The following CSMD3 variants were observed in gnomAD, a reference collection of about 807,000 sequenced individuals.
CSMD3 encodes CUB and sushi domain-containing protein 3.
Under a neutral mutation model 435.2 loss-of-function variants are expected in CSMD3, and 177 were observed. The observed-to-expected ratio is 0.41, with a 90% CI of 0.36 to 0.46. The LOEUF is 0.46. Ranked by LOEUF, CSMD3 falls within the 20% of genes least tolerant of loss-of-function variation. CSMD3 has a pLI of 0.34. For synonymous variants in CSMD3, 1,656 were observed against 1,520.5 expected (o/e 1.09, Z -2.07); for missense variants, 4,265 against 4,504.6 (o/e 0.95, Z 1.52).
intron 11 of CSMD3, among the ~76,000 whole-genome samples, chr8:112,835,989 G>A (rs1054339038): frequency 6.6e-6 from 1 of 151,848 alleles, no homozygotes; most frequent in Admixed American, 6.6e-5. Flanking sequence ...TCTTCTGAGT[G>A]GGAGTTTTTA....
At chr8:112,375,345 C>T (rs1195056742) in intron 38 of CSMD3, among the ~76,000 whole-genome samples, 1 of 152,094 alleles carries the variant, frequency 6.6e-6, no homozygotes, top group African/African-American at 2.4e-5. Context: ...CATAGGCACT[C>T]AACATTACTT....
intron 16 of CSMD3, among the ~76,000 whole-genome samples, chr8:112,680,142 G>A (rs1434275547): frequency 6.6e-6 from 1 of 152,184 alleles, no homozygotes; most frequent in Non-Finnish European, 1.5e-5. Context: ...ATGACCTGAG[G>A]TCAGGAGTTC....
At chr8:113,430,619 G>A (rs1198130553) in intron 1 of CSMD3, among the ~76,000 whole-genome samples, 2 of 152,052 alleles carry the variant, frequency 1.3e-5, no homozygotes, top group African/African-American at 4.8e-5. Context: ...GGAAACTGAG[G>A]TATTTTTATT....
At chr8:113,126,740 T>A (rs2131661805) in intron 4 of CSMD3, among the ~76,000 whole-genome samples, 1 of 152,040 alleles carries the variant, frequency 6.6e-6, no homozygotes, top group African/African-American at 2.4e-5. Flanking sequence ...TGTTATTGAC[T>A]GTTCAATTTT....
intron 58 of CSMD3, among the ~76,000 whole-genome samples, chr8:112,283,293 A>G (rs977754431): frequency 1.3e-5 from 2 of 151,862 alleles, no homozygotes; most frequent in African/African-American, 4.8e-5. Context: ...TAGGAAGTAT[A>G]TTTTATATGT....
At chr8:112,599,241 T>G (rs1368635277) in intron 22 of CSMD3, among the ~76,000 whole-genome samples, 1 of 150,616 alleles carries the variant, frequency 6.6e-6, no homozygotes, top group African/African-American at 2.4e-5. Flanking sequence ...AAGAAGACAT[T>G]TATGCAGCCA....
chr8:113,281,989 G>T (rs1394416953), intron 2 of CSMD3, among the ~76,000 whole-genome samples: 1 of 151,924 alleles, frequency 6.6e-6, no homozygotes, highest in African/African-American at 2.4e-5. Context: ...TGTTTGAGGA[G>T]GCTGAAGATA....
intron 35 of CSMD3, among the ~76,000 whole-genome samples, chr8:112,398,067 G>C (rs73700692): frequency 2.0e-5 from 3 of 152,056 alleles, no homozygotes; most frequent in African/African-American, 7.3e-5. Flanking sequence ...AGACAGGCAC[G>C]GGACAGATAT....
chr8:113,086,588 A>T (rs2089789644), intron 5 of CSMD3, among the ~76,000 whole-genome samples: 1 of 152,188 alleles, frequency 6.6e-6, no homozygotes, highest in South Asian at 2.1e-4. Context: ...TTAAGAAAAT[A>T]TATCATAAAT....
rs116233626 is a variant in CSMD3 at position 112,702,213 on chromosome 8, G to A, written c.1973-12163C>T. ...CCAAAAGTTAAAGGATTTGTCCAAC[G>A]ACACACAAATTTTAAGTGGCAGAGC... On this transcript the variant is annotated intron_variant, in intron 13 of 70. Coordinates refer to ENST00000297405, the MANE Select transcript of CSMD3 (RefSeq NM_198123.2). 5.3e-3 allele frequency among the ~76,000 whole-genome samples: 805 copies of A among 152,128 alleles called. 11 individuals carry two copies. Among genetic ancestry groups the A allele is most frequent in the African/African-American group, 0.018 (753 of 41,520 alleles).
Position 112,886,328 on chromosome 8 carries a change from T to C in CSMD3, c.1634-27062A>G, listed in dbSNP as rs189460634. On this transcript the variant is annotated intron_variant, in intron 10 of 70. Coordinates refer to ENST00000297405, the MANE Select transcript of CSMD3 (RefSeq NM_198123.2). ...TAAGTCATTTTTCTTTTTTGCCTTT[T>C]GAAATGTTTCTTCTGTCTTTTTCTT... Among the ~76,000 whole-genome samples the C allele has an allele frequency of 3.3e-3, 497 of 151,798 alleles. 4 individuals carry two copies. The highest frequency in any genetic ancestry group is 0.01 in the African/African-American group (432 of 41,502).
intron 6 of CSMD3, among the ~76,000 whole-genome samples, chr8:112,979,228 T>C (rs2084959139): frequency 1.3e-5 from 2 of 151,822 alleles, no homozygotes; most frequent in Admixed American, 1.3e-4. Flanking sequence ...TAAAAGGGGA[T>C]ATATGTCATG....
intron 27 of CSMD3, among the ~76,000 whole-genome samples, chr8:112,531,993 G>C (rs1303579960): frequency 6.6e-6 from 1 of 151,530 alleles, no homozygotes; most frequent in Non-Finnish European, 1.5e-5. Context: ...AATCAGTTTA[G>C]AAGTTTATTA....
intron 5 of CSMD3, among the ~76,000 whole-genome samples, chr8:113,050,266 T>C (rs1226219332): frequency 6.6e-6 from 1 of 151,900 alleles, no homozygotes; most frequent in Non-Finnish European, 1.5e-5. Context: ...ATATATAAAA[T>C]TCATGAAATA....
chr8:113,099,629 T>C (rs2090272554), intron 4 of CSMD3, among the ~76,000 whole-genome samples: 1 of 152,042 alleles, frequency 6.6e-6, no homozygotes, highest in Non-Finnish European at 1.5e-5. Context: ...TACAACACCA[T>C]AAATAACTTT....
chr8:112,662,859 A>C (rs890518006), intron 17 of CSMD3, among the ~76,000 whole-genome samples: 6 of 152,262 alleles, frequency 3.9e-5, no homozygotes, highest in East Asian at 1.9e-4. Flanking sequence ...ACAAAGTGGG[A>C]AAAGGATATG....
chr8:113,162,571 CAAA>C (rs753811903), intron 4 of CSMD3, among the ~76,000 whole-genome samples: 5 of 59,774 alleles, frequency 8.4e-5, no homozygotes, highest in Non-Finnish European at 6.6e-5. Flanking sequence ...GTCCCCACAT[CAAA>C]AAAAAAAAAA....
At chr8:113,352,766 G>T (rs2094198383) in intron 1 of CSMD3, among the ~76,000 whole-genome samples, 1 of 152,196 alleles carries the variant, frequency 6.6e-6, no homozygotes, top group African/African-American at 2.4e-5. Flanking sequence ...AAGAGCAGTA[G>T]TTGGTGGATC....
intron 31 of CSMD3, among the ~76,000 whole-genome samples, chr8:112,484,127 C>T (rs75248204): frequency 6.6e-6 from 1 of 152,116 alleles, no homozygotes; most frequent in Admixed American, 6.5e-5. Flanking sequence ...CTCATCTTCT[C>T]CTTTCCGTTA....
Sources: allele counts gnomAD v4.1 joint callset (sites outside exome capture counted in the v4.1 genomes callset), GRCh38; gene constraint gnomAD v4.1.1; transcripts MANE v1.5; gene names NCBI Gene and HGNC (gene_info 2026-07-23, HGNC 2026-07-21).